ARHGEF3: variants seen among roughly 807,000 people sequenced by gnomAD.
The protein encoded by ARHGEF3 is Rho guanine nucleotide exchange factor 3.
Under a neutral mutation model 63.2 loss-of-function variants are expected in ARHGEF3, and 28 were observed. The ratio of observed to expected loss-of-function variants is 0.44; its 90% CI spans 0.33 to 0.61. The LOEUF (loss-of-function observed/expected upper bound fraction) is 0.61. Among genes scored for constraint, ARHGEF3 ranks in the 20% least tolerant of loss-of-function variants. ARHGEF3 has a pLI of 0.03. For missense variants in ARHGEF3, 533 were observed against 659.3 expected (o/e 0.81, Z 2.10); for synonymous variants, 266 against 254.2 (o/e 1.05, Z -0.44).
chr3:56,780,831 A>C (rs1033041306), intron 1 of ARHGEF3, among the ~76,000 whole-genome samples: 13 of 152,368 alleles, frequency 8.5e-5, no homozygotes, highest in Non-Finnish European at 1.9e-4. Context: ...GTGGTACACC[A>C]TGTTGCTAAG....
intron 1 of ARHGEF3, among the ~76,000 whole-genome samples, chr3:57,077,974 C>A (rs542691826): frequency 6.6e-6 from 1 of 152,334 alleles, no homozygotes; most frequent in African/African-American, 2.4e-5. Context: ...GAAGGAGCAA[C>A]TGCCTGCACA....
At chr3:56,861,374 C>T (rs1050700349) in intron 4 of ARHGEF3, among the ~76,000 whole-genome samples, 12 of 152,116 alleles carry the variant, frequency 7.9e-5, no homozygotes, top group African/African-American at 2.7e-4. Context: ...GAACTGGAAC[C>T]TAATCTATCA....
At chr3:56,874,761 C>T (rs1055982939) in intron 4 of ARHGEF3, among the ~76,000 whole-genome samples, 1 of 152,176 alleles carries the variant, frequency 6.6e-6, no homozygotes, top group African/African-American at 2.4e-5. Flanking sequence ...AAGCTTTCTT[C>T]TCCTCTCCTG....
At chr3:57,027,420 T>C (rs4147390) in intron 2 of ARHGEF3, among the ~76,000 whole-genome samples, 71,571 of 151,992 alleles carry the variant, frequency 0.47, 17,220 homozygotes, top group African/African-American at 0.51. Context: ...CCACTCCCAC[T>C]CTTGGAGCAG....
intron 6 of ARHGEF3, among the ~76,000 whole-genome samples, chr3:56,749,567 C>CTCTA (rs1190379698): frequency 6.6e-6 from 1 of 152,202 alleles, no homozygotes; most frequent in Admixed American, 6.5e-5. Flanking sequence ...CTGAGGCACT[C>CTCTA]TCTACTCATT....
chr3:56,857,629 C>A (rs1261252964), intron 4 of ARHGEF3, among the ~76,000 whole-genome samples: 2 of 152,220 alleles, frequency 1.3e-5, no homozygotes, highest in Non-Finnish European at 2.9e-5. Context: ...ATCTAAGGCT[C>A]TGTGAGTCAG....
intron 2 of ARHGEF3, among the ~76,000 whole-genome samples, chr3:56,982,132 A>T (rs1701349445): frequency 6.6e-6 from 1 of 152,198 alleles, no homozygotes; most frequent in Admixed American, 6.5e-5. Context: ...TAACCTGGGG[A>T]AAGCAGAGCA....
intron 2 of ARHGEF3, among the ~76,000 whole-genome samples, chr3:56,992,643 C>T (rs180831744): frequency 9.2e-4 from 140 of 152,094 alleles, no homozygotes; most frequent in Middle Eastern, 3.4e-3. Flanking sequence ...TGGACTCCAC[C>T]CCAGGCACCA....
At position 56,820,265 on chromosome 3, in the gene ARHGEF3, T is replaced by C. The variant is rs114545733; in HGVS notation, c.193-46449A>G. ...TAAGACTCTACCCAGGGAGGTACTGTAAGGATGTGCTGTGCCCTCAAAATA... is the reference window on the plus strand; with the variant it reads ...TAAGACTCTACCCAGGGAGGTACTGCAAGGATGTGCTGTGCCCTCAAAATA... On this transcript the variant is annotated intron_variant, in intron 4 of 12. Coordinates refer to the ARHGEF3 transcript ENST00000338458. Among the ~76,000 whole-genome samples, 613 of 152,328 alleles carry C rather than the reference T, an allele frequency of 4.0e-3. 2 individuals carry two copies. The highest frequency in any genetic ancestry group is 0.014 in the African/African-American group (590 of 41,574).
chr3:56,751,224 T>A, intron 5 of ARHGEF3, 76 bp downstream of exon 5: 1 of 1,539,714 alleles, frequency 6.5e-7, no homozygotes, highest in Non-Finnish European at 9.0e-7. Context: ...TGCAGGCAAT[T>A]AATAATCACT....
chr3:56,909,761 G>A (rs2041806443), intron 3 of ARHGEF3, among the ~76,000 whole-genome samples: 2 of 152,116 alleles, frequency 1.3e-5, no homozygotes, highest in South Asian at 4.2e-4. Flanking sequence ...CCAGCAACAT[G>A]CAGAGTGCTT....
intron 3 of ARHGEF3, among the ~76,000 whole-genome samples, chr3:56,899,035 A>G (rs894112801): frequency 6.6e-6 from 1 of 152,216 alleles, no homozygotes; most frequent in Non-Finnish European, 1.5e-5. Flanking sequence ...GCCTGGCGAC[A>G]GAAAGAGACT....
At chr3:56,737,034 G>T in intron 8 of ARHGEF3, 151 bp downstream of exon 8, 1 of 839,966 alleles carries the variant, frequency 1.2e-6, no homozygotes, top group Non-Finnish European at 1.7e-6. Flanking sequence ...GGCAGAGGTT[G>T]CAGTGAGCCA....
At chr3:56,909,437 G>A (rs547955878) in intron 3 of ARHGEF3, among the ~76,000 whole-genome samples, 3 of 152,280 alleles carry the variant, frequency 2.0e-5, no homozygotes, top group East Asian at 1.9e-4. Flanking sequence ...CCAGCATCAG[G>A]GATGGTTTCA....
At chr3:56,743,430 T>C (rs2034174869) in intron 7 of ARHGEF3, among the ~76,000 whole-genome samples, 1 of 152,218 alleles carries the variant, frequency 6.6e-6, no homozygotes, top group Non-Finnish European at 1.5e-5. Context: ...ATTTGGAGTC[T>C]ACACTGACAG....
At chr3:56,782,599 C>A (rs1237171415) in intron 1 of ARHGEF3, among the ~76,000 whole-genome samples, 2 of 151,342 alleles carry the variant, frequency 1.3e-5, no homozygotes, top group Non-Finnish European at 2.9e-5. Flanking sequence ...TCAACTCTTT[C>A]CTCCATATTA....
At chr3:56,888,983 T>C (rs1189047738) in intron 3 of ARHGEF3, among the ~76,000 whole-genome samples, 1 of 152,092 alleles carries the variant, frequency 6.6e-6, no homozygotes, top group Non-Finnish European at 1.5e-5. Flanking sequence ...CAAAGTCCTG[T>C]GCATATTCCA....
intron 1 of ARHGEF3, among the ~76,000 whole-genome samples, chr3:56,783,744 G>A (rs1037593582): frequency 6.6e-6 from 1 of 152,142 alleles, no homozygotes; most frequent in African/African-American, 2.4e-5. Flanking sequence ...TTCTGGCTAA[G>A]GTTTCACTCT....
At chr3:56,770,036 C>T (rs1392487315) in intron 2 of ARHGEF3, among the ~76,000 whole-genome samples, 5 of 152,132 alleles carry the variant, frequency 3.3e-5, no homozygotes, top group Non-Finnish European at 5.9e-5. Flanking sequence ...TAGACAAAAT[C>T]GGAGAGGATG....
Sources: allele counts gnomAD v4.1 joint callset (sites outside exome capture counted in the v4.1 genomes callset), GRCh38; gene constraint gnomAD v4.1.1; transcripts MANE v1.5; gene names NCBI Gene and HGNC (gene_info 2026-07-23, HGNC 2026-07-21).